Variants in ADCY7 observed in about 807,000 individuals in gnomAD.
ADCY7 encodes adenylate cyclase type 7.
ADCY7 carries 72 observed loss-of-function variants against 120.6 expected under a neutral mutation model. The ratio of observed to expected loss-of-function variants is 0.60; its 90% CI spans 0.49 to 0.73. ADCY7 has a LOEUF of 0.73. Ranked by LOEUF, ADCY7 falls within the 30% of genes least tolerant of loss-of-function variation. The pLI is 0.00. For missense variants in ADCY7, 1,227 were observed against 1,486.0 expected, an observed-to-expected ratio of 0.83 and a Z score of 2.87; for synonymous variants, 661 against 628.0, an observed-to-expected ratio of 1.05 and a Z score of -0.78.
intron 1 of ADCY7, among the ~76,000 whole-genome samples, chr16:50,284,364 C>T (rs1236424391): frequency 3.3e-5 from 5 of 152,220 alleles, no homozygotes; most frequent in African/African-American, 7.2e-5. Context: ...CCTTGAGAGG[C>T]GTGTTTACCA....
At chr16:50,283,541 T>C (rs890991811) in intron 1 of ADCY7, among the ~76,000 whole-genome samples, 3 of 152,260 alleles carry the variant, frequency 2.0e-5, no homozygotes, top group African/African-American at 7.2e-5. Flanking sequence ...ATGTGGCCCA[T>C]GAACCAGGGT....
rs909610076 is a variant in ADCY7, at chr16:50,288,278, G to A, written c.99G>A (p.Pro33=). ...ACCAGCTCACCAGCCAGCATGGGCC[G>A]CTGCTGCTCACGCTCCTGCTGGTGG... ...EKYQLTSQHG[P]LLLTLLLVAA... Residue 33 remains proline (P), a synonymous_variant, in exon 2 of 26, where the codon CCG becomes CCA. Coordinates refer to ENST00000673801, the MANE Select transcript of ADCY7 (RefSeq NM_001114.5). 13 of 1,550,964 alleles carry A rather than the reference G, an allele frequency of 8.4e-6. No individual in the cohort carries two copies. The highest frequency in any genetic ancestry group is 5.9e-5 in the Admixed American group (3 of 50,984).
At chr16:50,288,572 G>A (rs1283158380) in intron 2 of ADCY7, among the ~76,000 whole-genome samples, 1 of 152,110 alleles carries the variant, frequency 6.6e-6, no homozygotes, top group Non-Finnish European at 1.5e-5. Flanking sequence ...CCATCTCCTG[G>A]GCTCAAGCAA....
At chr16:50,254,274 C>T (rs1013891877) in intron 1 of ADCY7, among the ~76,000 whole-genome samples, 1 of 152,202 alleles carries the variant, frequency 6.6e-6, no homozygotes, top group Non-Finnish European at 1.5e-5. Context: ...CCGCAGGCTC[C>T]AGCCCATGGC....
chr16:50,304,506 C>T lies in ADCY7; in HGVS notation c.1515C>T (p.Ser505=), dbSNP rs567522816. Residue 505 remains serine, a synonymous_variant, in exon 11 of 26, where the codon AGC becomes AGT. Coordinates refer to ENST00000673801, the MANE Select transcript of ADCY7 (RefSeq NM_001114.5). ...TTGCACATCTCAACCACCGTGAGAG[C>T]GTGAGCAGTGGTGAGACCCACGTCC... The part of the protein sequence containing the change: ...RPFAHLNHRE[S]VSSGETHVPN... 2.1e-5 allele frequency: 34 copies of T among 1,598,680 alleles called. No individual in the cohort carries two copies. The highest frequency in any genetic ancestry group is 8.7e-5 in the Admixed American group (5 of 57,212).
rs774065841 is a variant in ADCY7 at position 50,308,357 on chromosome 16, GGTGGCCT to G, written c.1885_1891del (p.Ala629TyrfsTer37). Reference sequence around the variant, plus strand: ...CGGCACTGGGTGTGTCCTTCGGGCTGGTGGCCTGTGTACTGGGGCTGGTGCTGGGCCT... The same window carrying G: ...CGGCACTGGGTGTGTCCTTCGGGCTGGTGTACTGGGGCTGGTGCTGGGCCT... On this transcript the variant is annotated frameshift_variant, in exon 16 of 26. Transcript: ENST00000673801. LOFTEE classifies it high-confidence loss of function. 6.2e-7 allele frequency: 1 copy of G among 1,614,186 alleles called. No individual in the cohort carries two copies. Among genetic ancestry groups the G allele is most frequent in the Non-Finnish European group, 8.5e-7 (1 of 1,180,030 alleles).
intron 18 of ADCY7, 51 bp from the exon 19 acceptor site, chr16:50,310,636 G>T: frequency 6.2e-7 from 1 of 1,605,910 alleles, no homozygotes; most frequent in Non-Finnish European, 8.5e-7. Context: ...GGCTGGAGGC[G>T]AGAGTACGTG....
intron 1 of ADCY7, among the ~76,000 whole-genome samples, chr16:50,250,630 C>CGAAT (rs2032731281): frequency 6.6e-6 from 1 of 152,010 alleles, no homozygotes; most frequent in Non-Finnish European, 1.5e-5. Context: ...AATTTTAAAA[C>CGAAT]AAATTTTAAA....
At chr16:50,312,767 C>G (rs1004761555) in intron 21 of ADCY7, 123 bp from the exon 22 acceptor site, 4 of 862,964 alleles carry the variant, frequency 4.6e-6, no homozygotes, top group Middle Eastern at 4.1e-4. Flanking sequence ...AGCCCGCCCC[C>G]CTCCCCACTC....
At chr16:50,273,797 C>T (rs1465402108) in intron 1 of ADCY7, among the ~76,000 whole-genome samples, 1 of 152,174 alleles carries the variant, frequency 6.6e-6, no homozygotes, top group Non-Finnish European at 1.5e-5. Context: ...GCTGGCTGTA[C>T]CCCCCAGTCT....
At position 50,276,020 on chromosome 16, in the gene ADCY7, G is replaced by A. The variant is rs978977537; in HGVS notation, c.-269+9340G>A. Reference sequence around the variant, plus strand: ...CAGAGGTCGCAGAGCTTGTCTTGAGGCCTGGGTACTGTGCCGTCTCCTGCC... The same window carrying A: ...CAGAGGTCGCAGAGCTTGTCTTGAGACCTGGGTACTGTGCCGTCTCCTGCC... On this transcript the variant is annotated intron_variant, in intron 1 of 25. Transcript: ENST00000673801. Among the ~76,000 whole-genome samples, 5 of 152,348 alleles carry A rather than the reference G, an allele frequency of 3.3e-5. No individual in the cohort carries two copies. The East Asian group carries it at 7.7e-4, about 24-fold the overall frequency.
At chr16:50,272,587 G>A (rs1036123763) in intron 1 of ADCY7, among the ~76,000 whole-genome samples, 3 of 152,182 alleles carry the variant, frequency 2.0e-5, no homozygotes, top group Non-Finnish European at 4.4e-5. Flanking sequence ...GGAGTTGCAG[G>A]CCCTGCCCCA....
At chr16:50,287,144 T>C (rs2034631067) in intron 1 of ADCY7, among the ~76,000 whole-genome samples, 1 of 151,692 alleles carries the variant, frequency 6.6e-6, no homozygotes, top group African/African-American at 2.4e-5. Context: ...GCTTCCCGAG[T>C]AGCTGGGATT....
chr16:50,277,933 G>A (rs1190468689), intron 1 of ADCY7, among the ~76,000 whole-genome samples: 2 of 152,048 alleles, frequency 1.3e-5, no homozygotes, highest in South Asian at 2.1e-4. Flanking sequence ...GCCTCCCAAA[G>A]TGCTGGGATT....
upstream of ADCY7, among the ~76,000 whole-genome samples, chr16:50,262,871 T>C (rs2033096284): frequency 6.6e-6 from 1 of 152,158 alleles, no homozygotes; most frequent in Admixed American, 6.5e-5. Context: ...TTGCCCTTCT[T>C]TGGGGGAGTT....
chr16:50,259,536 C>T (rs903816235), intron 1 of ADCY7, among the ~76,000 whole-genome samples: 1 of 152,220 alleles, frequency 6.6e-6, no homozygotes, highest in Non-Finnish European at 1.5e-5. Context: ...TTTCCTTCTC[C>T]AAAGCCCCGT....
intron 8 of ADCY7, 23 bp downstream of exon 8, chr16:50,299,054 C>A (rs1364086647): frequency 1.9e-6 from 3 of 1,597,510 alleles, no homozygotes; most frequent in Non-Finnish European, 8.5e-7. Flanking sequence ...CGGGCCCAGG[C>A]CCTGGGTCCT....
intron 1 of ADCY7, among the ~76,000 whole-genome samples, chr16:50,286,120 G>T (rs549415162): frequency 6.6e-6 from 1 of 151,944 alleles, no homozygotes; most frequent in African/African-American, 2.4e-5. Flanking sequence ...CAAGATTTTT[G>T]CTGGGTACAG....
chr16:50,274,028 G>C (rs918914071), intron 1 of ADCY7: 2 of 152,360 alleles, frequency 1.3e-5, no homozygotes, highest in African/African-American at 4.8e-5. Context: ...CCTGAAGGGC[G>C]GGCAGGAGTT....
Sources: gnomAD v4.1 joint callset for allele counts (sites outside exome capture counted in the v4.1 genomes callset) on GRCh38, gnomAD v4.1.1 for gene constraint, MANE v1.5 for transcripts, NCBI Gene and HGNC (gene_info 2026-07-23, HGNC 2026-07-21) for gene names.